Variants in LBH observed in about 807,000 individuals in gnomAD.
The protein encoded by LBH is LBH regulator of Wnt signaling pathway, also known as protein LBH.
Under a neutral mutation model 12.5 loss-of-function variants are expected in LBH, and 7 were observed. That is an observed-to-expected ratio of 0.56 (90% CI 0.32 to 1.05). The LOEUF (loss-of-function observed/expected upper bound fraction) is 1.05. LBH is among the 50% of genes least tolerant of loss of function. The probability of loss-of-function intolerance (pLI) is 0.04; values close to 1 mark genes in which losing one functional copy is unlikely to be tolerated. For missense variants in LBH, 119 were observed against 138.9 expected, an observed-to-expected ratio of 0.86 and a Z score of 0.72; for synonymous variants, 51 against 50.1, an observed-to-expected ratio of 1.02 and a Z score of -0.08.
chr2:30,249,155 A>G (rs1329160808), intron 2 of LBH, among the ~76,000 whole-genome samples: 1 of 152,172 alleles, frequency 6.6e-6, no homozygotes, highest in Non-Finnish European at 1.5e-5. Context: ...CCCCTTTGCT[A>G]CAATTCTTTC....
chr2:30,248,140 G>C (rs549939528), intron 2 of LBH, among the ~76,000 whole-genome samples: 33 of 152,272 alleles, frequency 2.2e-4, no homozygotes, highest in Admixed American at 9.8e-4. Context: ...TATACCTCTA[G>C]GAATATAGCC....
intron 2 of LBH, among the ~76,000 whole-genome samples, chr2:30,255,300 C>T (rs565615178): frequency 2.0e-4 from 30 of 152,166 alleles, no homozygotes; most frequent in African/African-American, 6.5e-4. Flanking sequence ...TGGCGCTCCT[C>T]GCTCGGCACA....
Position 30,258,390 on chromosome 2 carries a change from T to C in LBH, c.*769T>C, listed in dbSNP as rs1304577357. On this transcript the variant is annotated 3_prime_UTR_variant, in exon 3 of 3. Transcript: ENST00000395323. Reference sequence around the variant, plus strand: ...TTAAGAGGCAGTGCTTTTCAGCTTTTCTCCCTGATATATCCATTTTGCTTC... The same window carrying C: ...TTAAGAGGCAGTGCTTTTCAGCTTTCCTCCCTGATATATCCATTTTGCTTC... 1 of 152,336 alleles carries C rather than the reference T, an allele frequency of 6.6e-6. No homozygotes were observed. Among genetic ancestry groups the C allele is most frequent in the Non-Finnish European group, 1.5e-5 (1 of 68,160 alleles). The allele number at this position is 152,336 out of a possible 1,614,324, so 9.4% of individuals were successfully genotyped here.
intron 2 of LBH, among the ~76,000 whole-genome samples, chr2:30,243,629 C>T (rs545602124): frequency 6.8e-6 from 1 of 147,532 alleles, no homozygotes; most frequent in South Asian, 2.2e-4. Context: ...CTCCCTGGTT[C>T]AAGTGATTTT....
chr2:30,249,007 A>G (rs1168826299), intron 2 of LBH, among the ~76,000 whole-genome samples: 1 of 145,396 alleles, frequency 6.9e-6, no homozygotes, highest in Non-Finnish European at 1.5e-5. Context: ...AGGGCAAGGC[A>G]GAACAGAGTG....
At chr2:30,234,073 C>CT (rs532576134) in intron 1 of LBH, among the ~76,000 whole-genome samples, 60 of 152,312 alleles carry the variant, frequency 3.9e-4, no homozygotes, top group African/African-American at 1.3e-3. Flanking sequence ...ATGGACTCAG[C>CT]TACCTACTGT....
At chr2:30,242,834 G>T (rs1356594502) in intron 2 of LBH, among the ~76,000 whole-genome samples, 1 of 152,146 alleles carries the variant, frequency 6.6e-6, no homozygotes, top group Non-Finnish European at 1.5e-5. Context: ...TTCTTACAAA[G>T]AACACTATTC....
intron 1 of LBH, chr2:30,232,113 AG>A (rs761233604): frequency 3.9e-6 from 6 of 1,542,592 alleles, no homozygotes; most frequent in East Asian, 2.5e-5. Flanking sequence ...CACTTGGCGC[AG>A]GGGGGCTCCT....
intron 2 of LBH, among the ~76,000 whole-genome samples, chr2:30,248,819 G>A (rs549716641): frequency 2.6e-5 from 4 of 152,294 alleles, no homozygotes; most frequent in South Asian, 2.1e-4. Flanking sequence ...CTCCTGACTC[G>A]CAGGATGGGT....
chr2:30,238,032 C>T (rs1229787127), intron 2 of LBH, among the ~76,000 whole-genome samples: 1 of 152,200 alleles, frequency 6.6e-6, no homozygotes, highest in African/African-American at 2.4e-5. Flanking sequence ...GTGCCTTCTT[C>T]CTTACCCTAA....
At chr2:30,245,812 C>T (rs191281030) in intron 2 of LBH, among the ~76,000 whole-genome samples, 4 of 152,140 alleles carry the variant, frequency 2.6e-5, no homozygotes, top group African/African-American at 4.8e-5. Context: ...AAGATGTGCC[C>T]GTTGGAGTTT....
rs982690266 is a variant in LBH at position 30,231,540 on chromosome 2, T to C, written c.-199T>C. ...TTCCCGGGCTCTTTGTGGGGCTGAG[T>C]GCTCAGTGGAGAGCGGGGAGTTGTG... is the stretch of plus-strand genomic sequence containing the variant. On this transcript the variant is annotated 5_prime_UTR_variant, in exon 1 of 3. Coordinates refer to ENST00000395323, the MANE Select transcript of LBH (RefSeq NM_030915.4). 54 of 591,622 alleles carry C rather than the reference T, an allele frequency of 9.1e-5. No homozygotes were observed. In the East Asian group the frequency reaches 1.9e-3, roughly 21 times the overall value. 36.6% of individuals were successfully genotyped at this position (591,622 alleles called of 1,614,324 possible). A position where few individuals can be genotyped will look rare whatever the true frequency, so the allele number is the denominator to read the frequency against.
At chr2:30,249,026 G>A (rs1347833999) in intron 2 of LBH, among the ~76,000 whole-genome samples, 1 of 152,194 alleles carries the variant, frequency 6.6e-6, no homozygotes, top group Non-Finnish European at 1.5e-5. Context: ...TGAGGTGGAT[G>A]TTCTGTAACC....
chr2:30,231,839 G>T, intron 1 of LBH, 75 bp downstream of exon 1: 2 of 1,377,212 alleles, frequency 1.5e-6, no homozygotes, highest in Non-Finnish European at 9.6e-7. Flanking sequence ...CTTCGTGCCG[G>T]CTCCGGGTGC....
At position 30,259,519 on chromosome 2, in the gene LBH, G is replaced by C. The variant is rs894005142; in HGVS notation, c.*1898G>C. On this transcript the variant is annotated 3_prime_UTR_variant, in exon 3 of 3. Transcript: ENST00000395323. ...GCCTCCCCTTGTGGACGGGGGTCTT[G>C]CCTTTTCAATTCCTGTGTTTTGGTG... 2.0e-5 allele frequency: 3 copies of C among 152,954 alleles called. No individual in the cohort carries two copies. The highest frequency in any genetic ancestry group is 4.8e-5 in the African/African-American group (2 of 41,418). The allele number at this position is 152,954 out of a possible 1,614,324, so 9.5% of individuals were successfully genotyped here. A position where few individuals can be genotyped will look rare whatever the true frequency, so the allele number is the denominator to read the frequency against.
At chr2:30,250,500 G>A (rs1477449919) in intron 2 of LBH, among the ~76,000 whole-genome samples, 5 of 151,632 alleles carry the variant, frequency 3.3e-5, no homozygotes, top group Non-Finnish European at 5.9e-5. Context: ...TTTGTCAGAT[G>A]ATGGCTGAGA....
chr2:30,233,987 T>A (rs1572375226), intron 1 of LBH, among the ~76,000 whole-genome samples: 1 of 152,336 alleles, frequency 6.6e-6, no homozygotes, highest in East Asian at 1.9e-4. Flanking sequence ...CTTTGGAAAG[T>A]TCATGTGAGG....
In LBH at chr2:30,232,113, A is replaced by AG. The variant is rs761233604; in HGVS notation, c.26+355dup. On this transcript the variant is annotated intron_variant, in intron 1 of 2. Transcript: ENST00000395323. ...AGGAGGCGCGCGCCCCACTTGGCGC[A>AG]GGGGGGCTCCTGCTCTTCCCGGGCC... 17 of 1,542,596 alleles carry AG rather than the reference A, an allele frequency of 1.1e-5. No individual in the cohort carries two copies. The South Asian group carries it at 1.6e-4, about 14-fold the overall frequency.
At chr2:30,246,025 C>G (rs770998812) in intron 2 of LBH, among the ~76,000 whole-genome samples, 1 of 151,482 alleles carries the variant, frequency 6.6e-6, no homozygotes, top group Non-Finnish European at 1.5e-5. Context: ...GTGGTGCCAT[C>G]CCAGCTCACT....
Sources: gnomAD v4.1 joint callset for allele counts (sites outside exome capture counted in the v4.1 genomes callset) on GRCh38, gnomAD v4.1.1 for gene constraint, MANE v1.5 for transcripts, NCBI Gene and HGNC (gene_info 2026-07-23, HGNC 2026-07-21) for gene names.